The following NKAIN2 variants were observed in gnomAD, a reference collection of about 807,000 sequenced individuals.
NKAIN2 encodes the protein sodium/potassium-transporting ATPase subunit beta-1-interacting protein 2.
NKAIN2 carries 14 observed loss-of-function variants against 32.6 expected under a neutral mutation model. The observed-to-expected ratio is 0.43, with a 90% confidence interval of 0.28 to 0.67. The LOEUF (loss-of-function observed/expected upper bound fraction) is 0.67. NKAIN2 is among the 30% of genes least tolerant of loss of function. NKAIN2 has a pLI of 0.17. For missense variants in NKAIN2, 198 were observed against 258.3 expected, an observed-to-expected ratio of 0.77 and a Z score of 1.60; for synonymous variants, 80 against 87.2, an observed-to-expected ratio of 0.92 and a Z score of 0.46.
At chr6:124,570,986 A>G (rs1056370494) in intron 3 of NKAIN2, among the ~76,000 whole-genome samples, 1 of 152,216 alleles carries the variant, frequency 6.6e-6, no homozygotes, top group Non-Finnish European at 1.5e-5. Flanking sequence ...CACATTTTGC[A>G]TCAGTGTGAC....
chr6:124,654,255 TTTGGCTACAGCTTTATGGTAAATG>T (rs1784462271), intron 3 of NKAIN2, among the ~76,000 whole-genome samples: 1 of 152,108 alleles, frequency 6.6e-6, no homozygotes, highest in Admixed American at 6.6e-5. Flanking sequence ...AAATGCTATT[TTTGGCTACAGCTTTATGGTAAATG>T]TAATTATTTA....
rs1794231070 is a variant in NKAIN2, at chr6:124,261,141, A to C, written c.55-21864A>C. Among the ~76,000 whole-genome samples, 4 of 152,344 alleles carry C rather than the reference A, an allele frequency of 2.6e-5. 1 individual carries two copies. The South Asian group carries it at 8.3e-4, about 32-fold the overall frequency. On this transcript the variant is annotated intron_variant, in intron 1 of 6. Transcript: ENST00000368417. ...GATGTGGTTATTCAGGTCTCTGAGA[A>C]AAACTCTGAGGCCAAAAATGTCATC...
intron 3 of NKAIN2, among the ~76,000 whole-genome samples, chr6:124,401,735 A>C (rs1236167163): frequency 1.3e-5 from 2 of 152,116 alleles, no homozygotes; most frequent in East Asian, 3.9e-4. Flanking sequence ...TCATTTCATG[A>C]AACCTCTTGA....
At chr6:124,168,385 G>C (rs1203012714) in intron 1 of NKAIN2, among the ~76,000 whole-genome samples, 1 of 152,042 alleles carries the variant, frequency 6.6e-6, no homozygotes, top group Non-Finnish European at 1.5e-5. Context: ...AGAATTATAT[G>C]ATATTGTAGT....
intron 1 of NKAIN2, among the ~76,000 whole-genome samples, chr6:123,859,898 C>T (rs1412013344): frequency 6.6e-6 from 1 of 152,100 alleles, no homozygotes; most frequent in Non-Finnish European, 1.5e-5. Context: ...GCCATGTTGG[C>T]CAGGCTGGCC....
chr6:124,784,018 A>G (rs1341003553), intron 4 of NKAIN2, among the ~76,000 whole-genome samples: 2 of 152,196 alleles, frequency 1.3e-5, no homozygotes, highest in Non-Finnish European at 2.9e-5. Context: ...TCATGTTGGC[A>G]TAAAGGCACA....
chr6:124,639,936 A>T (rs1234787891), intron 3 of NKAIN2, among the ~76,000 whole-genome samples: 1 of 152,134 alleles, frequency 6.6e-6, no homozygotes, highest in Non-Finnish European at 1.5e-5. Context: ...GACTTTAGTT[A>T]ACAATCATTT....
chr6:124,182,881 G>A (rs1280366912), intron 1 of NKAIN2, among the ~76,000 whole-genome samples: 1 of 152,094 alleles, frequency 6.6e-6, no homozygotes, highest in Non-Finnish European at 1.5e-5. Flanking sequence ...CTGAAAATAT[G>A]CCCTATGTTC....
At chr6:124,178,371 C>A (rs1418224253) in intron 1 of NKAIN2, among the ~76,000 whole-genome samples, 2 of 151,046 alleles carry the variant, frequency 1.3e-5, no homozygotes, top group Non-Finnish European at 1.5e-5. Context: ...GATCTAGGCT[C>A]ACTGCAAGCT....
intron 3 of NKAIN2, among the ~76,000 whole-genome samples, chr6:124,650,913 T>A (rs1347924051): frequency 1.3e-5 from 2 of 152,204 alleles, no homozygotes; most frequent in African/African-American, 4.8e-5. Context: ...CAGATATGGA[T>A]GAGACTCAAA....
At chr6:123,853,895 C>T (rs1211835637) in intron 1 of NKAIN2, among the ~76,000 whole-genome samples, 1 of 152,016 alleles carries the variant, frequency 6.6e-6, no homozygotes. Context: ...GCCTCAGCCT[C>T]CTGAGTAGCT....
chr6:124,608,034 A>G (rs1782560458), intron 3 of NKAIN2, among the ~76,000 whole-genome samples: 1 of 152,172 alleles, frequency 6.6e-6, no homozygotes, highest in Non-Finnish European at 1.5e-5. Flanking sequence ...AACTTATGAT[A>G]GGTTTATTGA....
rs545779706 is a variant in NKAIN2 at position 124,047,648 on chromosome 6, GT to G, written c.55-235356del. On this transcript the variant is annotated intron_variant, in intron 1 of 6. Coordinates refer to ENST00000368417, the MANE Select transcript of NKAIN2 (RefSeq NM_001040214.3). ...TCATCCACCTCCAAAGACTCAGTGA[GT>G]AGTATCAGCTCTGGCACCCAGGATA... 5.9e-5 allele frequency among the ~76,000 whole-genome samples: 9 copies of G among 152,090 alleles called. No individual in the cohort carries two copies. In the South Asian group the frequency reaches 1.9e-3, roughly 32 times the overall value.
At chr6:124,113,612 C>A (rs1462830579) in intron 1 of NKAIN2, among the ~76,000 whole-genome samples, 1 of 152,020 alleles carries the variant, frequency 6.6e-6, no homozygotes, top group Non-Finnish European at 1.5e-5. Context: ...TTCTCTGTGT[C>A]CCCCCGCCCC....
At chr6:124,503,447 A>C (rs1778368963) in intron 3 of NKAIN2, among the ~76,000 whole-genome samples, 2 of 152,140 alleles carry the variant, frequency 1.3e-5, no homozygotes, top group African/African-American at 4.8e-5. Flanking sequence ...ATATAGCCCG[A>C]AAGTAGCTTA....
intron 4 of NKAIN2, among the ~76,000 whole-genome samples, chr6:124,777,945 A>G (rs1472781122): frequency 1.5e-5 from 2 of 129,748 alleles, no homozygotes; most frequent in African/African-American, 5.9e-5. Context: ...TAGAAATCAC[A>G]TTCACACACA....
chr6:124,068,828 A>C (rs992332627), intron 1 of NKAIN2, among the ~76,000 whole-genome samples: 2 of 152,086 alleles, frequency 1.3e-5, no homozygotes, highest in African/African-American at 4.8e-5. Flanking sequence ...CTGGAAATCC[A>C]GCGATAAGAA....
At chr6:124,149,044 C>T (rs536612321) in intron 1 of NKAIN2, among the ~76,000 whole-genome samples, 9 of 152,036 alleles carry the variant, frequency 5.9e-5, no homozygotes, top group African/African-American at 2.2e-4. Flanking sequence ...TTTTGCATTT[C>T]CCTGACAATT....
intron 1 of NKAIN2, among the ~76,000 whole-genome samples, chr6:124,186,783 C>A (rs1314614069): frequency 1.3e-5 from 2 of 152,112 alleles, no homozygotes; most frequent in African/African-American, 4.8e-5. Flanking sequence ...CATAAGGAGA[C>A]TTTAAGAAAT....
Sources: gnomAD v4.1 joint callset for allele counts (sites outside exome capture counted in the v4.1 genomes callset) on GRCh38, gnomAD v4.1.1 for gene constraint, MANE v1.5 for transcripts, NCBI Gene and HGNC (gene_info 2026-07-23, HGNC 2026-07-21) for gene names.